CDCA2: variants seen among roughly 807,000 people sequenced by gnomAD.
The protein encoded by CDCA2 is cell division cycle associated 2.
A neutral mutation model predicts 67.0 loss-of-function variants in CDCA2; 44 were observed. The ratio of observed to expected loss-of-function variants is 0.66; its 90% CI spans 0.52 to 0.84. The LOEUF (loss-of-function observed/expected upper bound fraction) is 0.84. Ranked by LOEUF, CDCA2 falls within the 40% of genes least tolerant of loss-of-function variation. The pLI is 0.00. For synonymous variants in CDCA2, 447 were observed against 418.7 expected, an observed-to-expected ratio of 1.07 and a Z score of -0.82; for missense variants, 1,253 against 1,203.2, an observed-to-expected ratio of 1.04 and a Z score of -0.61.
intron 7 of CDCA2, among the ~76,000 whole-genome samples, chr8:25,470,188 C>T (rs962017540): frequency 4.6e-5 from 7 of 152,154 alleles, no homozygotes; most frequent in African/African-American, 1.7e-4. Flanking sequence ...GAAGTATTTT[C>T]AAGCTCATGG....
rs1175078903 is a variant in CDCA2, at chr8:25,468,277, A to G, written c.599A>G (p.Lys200Arg). The G allele has an allele frequency of 6.2e-7, 1 of 1,613,850 alleles. No individual in the cohort carries two copies. Among genetic ancestry groups the G allele is most frequent in the African/African-American group, 1.3e-5 (1 of 74,890 alleles). Residue 200 changes from lysine (K) to arginine (R), a missense_variant, in exon 6 of 15, where the codon AAA becomes AGA. Transcript: ENST00000330560. ...QSGFPAVLSS[K>R]RRRISYQRDS... ...GGGTTCCCTGCAGTGTTGTCCTCCA[A>G]ACGTCGGAGAATATCCTATCAGAGA...
intron 13 of CDCA2, among the ~76,000 whole-genome samples, chr8:25,494,042 A>T (rs1179652595): frequency 6.6e-6 from 1 of 152,244 alleles, no homozygotes; most frequent in Non-Finnish European, 1.5e-5. Flanking sequence ...GTTTCCACAA[A>T]GCGAGTATTA....
At chr8:25,468,984 C>T (rs1332850636) in intron 6 of CDCA2, among the ~76,000 whole-genome samples, 1 of 152,218 alleles carries the variant, frequency 6.6e-6, no homozygotes, top group Non-Finnish European at 1.5e-5. Context: ...ACTACCTAAA[C>T]CCTGTCAAGA....
At chr8:25,487,126 CTTTT>C in intron 11 of CDCA2, 116 bp from the exon 12 acceptor site, 1 of 628,666 alleles carries the variant, frequency 1.6e-6, no homozygotes, top group Non-Finnish European at 2.8e-6. Flanking sequence ...CTTGGCTCCT[CTTTT>C]TTTTGTTTAG....
At chr8:25,506,191 C>T (rs955839) in intron 14 of CDCA2, among the ~76,000 whole-genome samples, 30,243 of 152,148 alleles carry the variant, frequency 0.2, 3,130 homozygotes, top group East Asian at 0.24. Flanking sequence ...GTCACTGCCT[C>T]ATACTCATGG....
At chr8:25,461,285 A>T (rs1038406400) in intron 3 of CDCA2, among the ~76,000 whole-genome samples, 1 of 151,870 alleles carries the variant, frequency 6.6e-6, no homozygotes, top group African/African-American at 2.4e-5. Flanking sequence ...AAAAAAAAAA[A>T]AAAAAACACA....
intron 13 of CDCA2, among the ~76,000 whole-genome samples, chr8:25,498,437 T>A (rs1218404583): frequency 1.1e-3 from 159 of 140,116 alleles, no homozygotes; most frequent in African/African-American, 4.0e-3. Flanking sequence ...CAAACCCCTG[T>A]CCTCAGGTAA....
intron 13 of CDCA2, among the ~76,000 whole-genome samples, chr8:25,499,054 T>C (rs978570694): frequency 2.9e-4 from 44 of 152,294 alleles, no homozygotes; most frequent in Middle Eastern, 3.4e-3. Flanking sequence ...ATGATTTCTA[T>C]GTGCTAGTAA....
intron 13 of CDCA2, among the ~76,000 whole-genome samples, chr8:25,496,953 G>C (rs1358714914): frequency 1.3e-5 from 2 of 152,138 alleles, no homozygotes; most frequent in Admixed American, 1.3e-4. Flanking sequence ...TCCTAAGAAC[G>C]TAGAAAGTTG....
At position 25,506,614 on chromosome 8, in the gene CDCA2, G is replaced by A; in HGVS notation, c.1948G>A (p.Gly650Ser). 6.2e-7 allele frequency: 1 copy of A among 1,613,164 alleles called. No individual in the cohort carries two copies. Among genetic ancestry groups the A allele is most frequent in the Non-Finnish European group, 8.5e-7 (1 of 1,179,840 alleles). The change falls in exon 15 of 15, where the codon GGC (glycine) becomes AGC (serine). Residue 650 changes from glycine to serine, a missense_variant. Coordinates refer to ENST00000330560, the MANE Select transcript of CDCA2 (RefSeq NM_152562.4). ...TGACCCAGATTTGCATATGCATCAA[G>A]GCTATGATAAATATGATGTCTCTGA... ...RHDPDLHMHQ[G>S]YDKYDVSEFC...
chr8:25,478,890 ATATATATATATAT>A (rs1803457635), intron 7 of CDCA2, among the ~76,000 whole-genome samples: 1 of 110,572 alleles, frequency 9.0e-6, no homozygotes, highest in Non-Finnish European at 1.8e-5. Flanking sequence ...GTGTGTGTGT[ATATATATATATAT>A]ATATATATAT....
At position 25,503,515 on chromosome 8, in the gene CDCA2, C is replaced by A. The variant is rs114350656; in HGVS notation, c.1814C>A (p.Ser605Tyr). The A allele has an allele frequency of 3.7e-6, 6 of 1,611,594 alleles. No homozygotes were observed. The highest frequency in any genetic ancestry group is 5.1e-6 in the Non-Finnish European group (6 of 1,179,432). ...CCTGAAGTCCCTGAGATGACACCTT[C>A]CATTCCGAGCATCCGAAGACTGGGT... is the stretch of plus-strand genomic sequence containing the variant. Reference protein sequence around the residue: ...ELPEVPEMTPSIPSIRRLGSG... With the variant: ...ELPEVPEMTPYIPSIRRLGSG... Residue 605 changes from serine (S) to tyrosine (Y), a missense_variant, in exon 14 of 15, where the codon TCC becomes TAC. Physicochemically the swap from Ser to Tyr is moderately radical, Grantham distance 144. Transcript: ENST00000330560.
At chr8:25,486,648 CAA>C (rs34058825) in intron 11 of CDCA2, among the ~76,000 whole-genome samples, 4,227 of 137,382 alleles carry the variant, frequency 0.031, 178 homozygotes, top group African/African-American at 0.093. Flanking sequence ...ACTGAAAATA[CAA>C]AAAAAAAAAA....
chr8:25,506,486 T>A (rs781476485), intron 14 of CDCA2, 24 bp from the exon 15 acceptor site: 2 of 1,518,368 alleles, frequency 1.3e-6, no homozygotes, highest in Non-Finnish European at 1.8e-6. Context: ...TTAATTAGAT[T>A]TAAACCTATT....
chr8:25,501,389 A>AAGATCAAACGTTGAC (rs924645376), intron 13 of CDCA2, among the ~76,000 whole-genome samples: 1 of 152,214 alleles, frequency 6.6e-6, no homozygotes, highest in African/African-American at 2.4e-5. Context: ...TCTTAAATTT[A>AAGATCAAACGTTGAC]AGATCAAACG....
At chr8:25,486,621 G>C (rs1459377131) in intron 11 of CDCA2, among the ~76,000 whole-genome samples, 2 of 148,480 alleles carry the variant, frequency 1.3e-5, no homozygotes, top group African/African-American at 5.0e-5. Flanking sequence ...TGGTCAACTT[G>C]GTGAAACCTG....
chr8:25,465,301 T>C (rs187195831), intron 4 of CDCA2, among the ~76,000 whole-genome samples: 5 of 152,274 alleles, frequency 3.3e-5, no homozygotes, highest in Admixed American at 2.6e-4. Flanking sequence ...TAAACGGAGG[T>C]AATTTTTACT....
intron 12 of CDCA2, among the ~76,000 whole-genome samples, chr8:25,487,684 C>A (rs12678449): frequency 0.96 from 146,292 of 152,194 alleles, 70,551 homozygotes; most frequent in East Asian, 1. Context: ...CGGAGCTTGC[C>A]GGGAGCCGAG....
At position 25,466,273 on chromosome 8, in the gene CDCA2, C is replaced by G. The variant is rs777507215; in HGVS notation, c.486C>G (p.Thr162=). The G allele has an allele frequency of 1.6e-5, 25 of 1,610,202 alleles. No homozygotes were observed. The highest frequency in any genetic ancestry group is 2.0e-5 in the Non-Finnish European group (24 of 1,179,070). The change falls in exon 5 of 15, where the codon ACC becomes ACG. Residue 162 remains threonine, a synonymous_variant. Transcript: ENST00000330560. ...FHSIKENEKM[T]GCLEFSEAGK... is the part of the protein sequence containing the mutation. ...CCATAAAGGAAAACGAGAAAATGAC[C>G]GGCTGTCTGGAATTCTCAGAGGCAG...
Sources: gnomAD v4.1 joint callset for allele counts (sites outside exome capture counted in the v4.1 genomes callset) on GRCh38, gnomAD v4.1.1 for gene constraint, MANE v1.5 for transcripts, NCBI Gene and HGNC (gene_info 2026-07-23, HGNC 2026-07-21) for gene names.